FRAS1: variants seen among roughly 807,000 people sequenced by gnomAD.
FRAS1 encodes the protein extracellular matrix organizing protein FRAS1.
Under a neutral mutation model 435.2 loss-of-function variants are expected in FRAS1, and 290 were observed. That is an observed-to-expected ratio of 0.67 (90% CI 0.61 to 0.73). FRAS1 has a LOEUF of 0.73. Ranked by LOEUF, FRAS1 falls within the 30% of genes least tolerant of loss-of-function variation. The pLI is 0.00. For missense variants in FRAS1, 4,860 were observed against 5,001.5 expected (o/e 0.97, Z 0.85); for synonymous variants, 1,800 against 1,851.0 (o/e 0.97, Z 0.71).
chr4:78,410,209 G>A (rs2110356566), intron 31 of FRAS1, among the ~76,000 whole-genome samples: 1 of 152,270 alleles, frequency 6.6e-6, no homozygotes, highest in East Asian at 1.9e-4. Flanking sequence ...TTCCCTGGAA[G>A]GGGAATCTAA....
At chr4:78,266,103 C>G (rs1823922) in intron 7 of FRAS1, among the ~76,000 whole-genome samples, 1 of 152,180 alleles carries the variant, frequency 6.6e-6, no homozygotes, top group Non-Finnish European at 1.5e-5. Context: ...CTAAAAGTGC[C>G]TAAAATGCTA....
At chr4:78,312,670 TAA>T (rs999875110) in intron 15 of FRAS1, among the ~76,000 whole-genome samples, 1 of 143,020 alleles carries the variant, frequency 7.0e-6, no homozygotes. Context: ...CTACTAAAAA[TAA>T]AAAAAAAAAA....
intron 2 of FRAS1, among the ~76,000 whole-genome samples, chr4:78,117,406 G>A (rs1718670147): frequency 6.6e-6 from 1 of 152,064 alleles, no homozygotes; most frequent in Non-Finnish European, 1.5e-5. Flanking sequence ...AAGTTCTCTT[G>A]GATAATATCC....
Position 78,379,779 on chromosome 4 carries a change from G to T in FRAS1, c.3346G>T (p.Gly1116Cys). 3 of 1,613,702 alleles carry T rather than the reference G, an allele frequency of 1.9e-6. No individual in the cohort carries two copies. The highest frequency in any genetic ancestry group is 2.5e-6 in the Non-Finnish European group (3 of 1,179,792). Reference sequence around the variant, plus strand: ...GAATGGTTCCCTGATCCTCCCAATTGGTTCAATAAAGCCACTGGATTTTTC... The same window carrying T: ...GAATGGTTCCCTGATCCTCCCAATTTGTTCAATAAAGCCACTGGATTTTTC... ...HVNGSLILPI[G>C]SIKPLDFSLL... is the part of the protein sequence containing the mutation. Residue 1116 changes from glycine to cysteine, a missense_variant, in exon 27 of 74, where the codon GGT (glycine) becomes TGT (cysteine). Transcript: ENST00000512123.
At chr4:78,517,952 A>G (rs1721259944) in intron 66 of FRAS1, among the ~76,000 whole-genome samples, 1 of 152,090 alleles carries the variant, frequency 6.6e-6, no homozygotes, top group Non-Finnish European at 1.5e-5. Context: ...AATTTTCTTT[A>G]AAAAGAACAA....
intron 9 of FRAS1, among the ~76,000 whole-genome samples, chr4:78,277,801 A>T (rs1205883910): frequency 1.3e-5 from 2 of 152,134 alleles, no homozygotes; most frequent in African/African-American, 4.8e-5. Flanking sequence ...AGATAAATTA[A>T]AAGTATTCCA....
intron 58 of FRAS1, among the ~76,000 whole-genome samples, chr4:78,482,815 G>A (rs974275396): frequency 6.6e-6 from 1 of 151,998 alleles, no homozygotes; most frequent in South Asian, 2.1e-4. Context: ...GACCCTTAAA[G>A]AGAGAAATTG....
intron 2 of FRAS1, among the ~76,000 whole-genome samples, chr4:78,143,318 A>G (rs555038294): frequency 3.9e-4 from 60 of 152,322 alleles, no homozygotes; most frequent in African/African-American, 1.3e-3. Context: ...ACCTAATAAC[A>G]TGGCTTTAAA....
At position 78,483,012 on chromosome 4, in the gene FRAS1, G is replaced by A. The variant is rs771704033; in HGVS notation, c.8752+477G>A. The stretch of plus-strand genomic sequence containing the variant: ...TAAAGGAAAACCTATTTCAAGTGGA[G>A]ACATATAGTAAATACAATGTATAAT... On this transcript the variant is annotated intron_variant, in intron 58 of 73. Coordinates refer to ENST00000512123, the MANE Select transcript of FRAS1 (RefSeq NM_025074.7). Among the ~76,000 whole-genome samples the A allele has an allele frequency of 4.3e-4, 65 of 152,160 alleles. 1 individual carries two copies. Among genetic ancestry groups the A allele is most frequent in the Admixed American group, 3.3e-4 (5 of 15,274 alleles).
chr4:78,207,549 A>C (rs964393737), intron 2 of FRAS1, among the ~76,000 whole-genome samples: 1 of 152,216 alleles, frequency 6.6e-6, no homozygotes, highest in Non-Finnish European at 1.5e-5. Flanking sequence ...GAGATGTAGT[A>C]ATGATAGATA....
chr4:78,358,609 T>C (rs1730955998), intron 20 of FRAS1, among the ~76,000 whole-genome samples: 1 of 152,182 alleles, frequency 6.6e-6, no homozygotes, highest in African/African-American at 2.4e-5. Context: ...AATTAATATT[T>C]TGCCCAATGT....
intron 2 of FRAS1, among the ~76,000 whole-genome samples, chr4:78,117,341 T>C (rs144917811): frequency 0.028 from 4,306 of 152,326 alleles, 74 homozygotes; most frequent in Non-Finnish European, 0.046. Context: ...AATATCTTTG[T>C]GGCGTTCTCT....
chr4:78,518,460 A>G (rs536243648), intron 66 of FRAS1, among the ~76,000 whole-genome samples: 19,877 of 107,342 alleles, frequency 0.19, 1,699 homozygotes, highest in Non-Finnish European at 0.26. Context: ...ATATTTATTT[A>G]TTTATTTATT....
chr4:78,538,682 C>T lies in FRAS1; in HGVS notation c.11299-612C>T, dbSNP rs552321121. 6.6e-4 allele frequency among the ~76,000 whole-genome samples: 101 copies of T among 152,206 alleles called. 1 individual carries two copies. The highest frequency in any genetic ancestry group is 1.4e-3 in the East Asian group (7 of 5,178). Reference sequence around the variant, plus strand: ...TAAAAAACCATCAGAGGTCCGGGCGCGGTGGCTCAAGCCTGTAATCCCAGC... The same window carrying T: ...TAAAAAACCATCAGAGGTCCGGGCGTGGTGGCTCAAGCCTGTAATCCCAGC... On this transcript the variant is annotated intron_variant, in intron 72 of 73. Coordinates refer to ENST00000512123, the MANE Select transcript of FRAS1 (RefSeq NM_025074.7).
At chr4:78,252,585 G>A (rs1188771874) in intron 5 of FRAS1, 34 bp downstream of exon 5, 2 of 1,590,928 alleles carry the variant, frequency 1.3e-6, no homozygotes, top group Non-Finnish European at 1.7e-6. Flanking sequence ...GACCCTCTTT[G>A]CTTGGGAGGT....
rs754043936 is a variant in FRAS1, at chr4:78,284,397, GA to G, written c.1256-7del. On this transcript the variant is annotated splice_region_variant and splice_polypyrimidine_tract_variant and intron_variant, in intron 12 of 73. Coordinates refer to ENST00000512123, the MANE Select transcript of FRAS1 (RefSeq NM_025074.7). ...CAGAGTTCTCCCCTTCTTTGTCCTTGATTTCAGTTCATTGCCATCCAGATTG... is the reference window on the plus strand; with the variant it reads ...CAGAGTTCTCCCCTTCTTTGTCCTTGTTTCAGTTCATTGCCATCCAGATTG... The G allele has an allele frequency of 6.2e-7, 1 of 1,613,724 alleles. No individual in the cohort carries two copies. Among genetic ancestry groups the G allele is most frequent in the Non-Finnish European group, 8.5e-7 (1 of 1,179,770 alleles).
At chr4:78,197,482 T>G (rs1438762365) in intron 2 of FRAS1, among the ~76,000 whole-genome samples, 1 of 152,234 alleles carries the variant, frequency 6.6e-6, no homozygotes, top group Non-Finnish European at 1.5e-5. Flanking sequence ...AATATTTTAT[T>G]AATTGAATTA....
chr4:78,175,892 G>C (rs972826676), intron 2 of FRAS1, among the ~76,000 whole-genome samples: 1 of 152,118 alleles, frequency 6.6e-6, no homozygotes, highest in Non-Finnish European at 1.5e-5. Context: ...AGCATGGGTA[G>C]ATGGAAATGT....
chr4:78,274,011 A>G (rs2110166854), intron 9 of FRAS1, among the ~76,000 whole-genome samples: 1 of 152,326 alleles, frequency 6.6e-6, no homozygotes, highest in African/African-American at 2.4e-5. Context: ...TGTTCAATTC[A>G]GGGATTCAAC....
Sources: gnomAD v4.1 joint callset for allele counts (sites outside exome capture counted in the v4.1 genomes callset) on GRCh38, gnomAD v4.1.1 for gene constraint, MANE v1.5 for transcripts, NCBI Gene and HGNC (gene_info 2026-07-23, HGNC 2026-07-21) for gene names.